LMNB1: variants seen among roughly 807,000 people sequenced by gnomAD.
LMNB1 encodes the protein lamin-B1.
A neutral mutation model predicts 67.1 loss-of-function variants in LMNB1; 23 were observed. The ratio of observed to expected loss-of-function variants is 0.34; its 90% CI spans 0.25 to 0.49. The LOEUF is 0.49. Among genes scored for constraint, LMNB1 ranks in the 20% least tolerant of loss-of-function variants. The pLI is 0.99. For missense variants in LMNB1, 634 were observed against 746.5 expected, an observed-to-expected ratio of 0.85 and a Z score of 1.76; for synonymous variants, 281 against 282.9, an observed-to-expected ratio of 0.99 and a Z score of 0.07.
intron 9 of LMNB1, among the ~76,000 whole-genome samples, chr5:126,831,194 A>C (rs769811834): frequency 7.9e-5 from 12 of 152,226 alleles, no homozygotes; most frequent in Admixed American, 6.5e-5. Flanking sequence ...GGTCTGTGTT[A>C]GATAAGCTTT....
intron 1 of LMNB1, among the ~76,000 whole-genome samples, chr5:126,781,744 A>AT (rs1249219272): frequency 1.3e-5 from 2 of 152,118 alleles, no homozygotes; most frequent in African/African-American, 4.8e-5. Flanking sequence ...CCTATATTTA[A>AT]TTTTTTATTT....
chr5:126,795,749 C>T (rs773237614), intron 1 of LMNB1, among the ~76,000 whole-genome samples: 5 of 151,530 alleles, frequency 3.3e-5, no homozygotes, highest in African/African-American at 7.3e-5. Flanking sequence ...CTCAGCCTCC[C>T]GAGTAGCTGG....
chr5:126,809,087 C>T (rs1443316129), intron 3 of LMNB1, among the ~76,000 whole-genome samples: 1 of 152,136 alleles, frequency 6.6e-6, no homozygotes, highest in Non-Finnish European at 1.5e-5. Flanking sequence ...ATTGGCCAGG[C>T]TGGTCTTGAA....
chr5:126,817,981 A>ATCCCAGATT (rs1751756271), intron 5 of LMNB1, among the ~76,000 whole-genome samples: 1 of 152,166 alleles, frequency 6.6e-6, no homozygotes, highest in Non-Finnish European at 1.5e-5. Context: ...CTGGTGTAGG[A>ATCCCAGATT]TGTGTGATTT....
At chr5:126,787,861 A>G (rs541423858) in intron 1 of LMNB1, among the ~76,000 whole-genome samples, 2 of 151,958 alleles carry the variant, frequency 1.3e-5, no homozygotes, top group South Asian at 4.2e-4. Flanking sequence ...TACTGGAGCC[A>G]TATATATATT....
chr5:126,816,147 G>A (rs944797997), intron 5 of LMNB1, among the ~76,000 whole-genome samples: 6 of 151,896 alleles, frequency 4.0e-5, no homozygotes, highest in African/African-American at 4.8e-5. Context: ...ACATGGTAGC[G>A]GGGAAATGGA....
Position 126,798,780 on chromosome 5 carries a change from T to TGTGTGTGTGTGTGTGTGTGTGC in LMNB1, c.360-5991_360-5990insTGTGTGTGTGTGTGTGCGTGTG, listed in dbSNP as rs1314378520. ...AAAGAGAAGTGTGTGTGTGTGTGTGTGTGTGCGTGTGCTTGTAACATTTAG... is the reference window on the plus strand; with the variant it reads ...AAAGAGAAGTGTGTGTGTGTGTGTGTGTGTGTGTGTGTGTGTGTGTGCGTGTGCGTGTGCTTGTAACATTTAG... On this transcript the variant is annotated intron_variant, in intron 1 of 10. Transcript: ENST00000261366. 1.2e-4 allele frequency among the ~76,000 whole-genome samples: 18 copies of TGTGTGTGTGTGTGTGTGTGTGC among 151,894 alleles called. No homozygotes were observed. The South Asian group carries it at 3.1e-3, about 26-fold the overall frequency.
intron 7 of LMNB1, among the ~76,000 whole-genome samples, chr5:126,822,299 C>CT (rs35469974): frequency 0.078 from 11,839 of 152,188 alleles, 547 homozygotes; most frequent in Non-Finnish European, 0.11. Context: ...CCCACTGACC[C>CT]TTTTTTTGAG....
chr5:126,799,138 C>A (rs534917879), intron 1 of LMNB1, among the ~76,000 whole-genome samples: 1 of 151,848 alleles, frequency 6.6e-6, no homozygotes, highest in Admixed American at 6.6e-5. Flanking sequence ...CCTGCCTCAG[C>A]CTCCCGAGTA....
intron 1 of LMNB1, among the ~76,000 whole-genome samples, chr5:126,800,982 A>ATATATATTTTTTTTTTTTTT: frequency 1.1e-4 from 2 of 18,636 alleles, no homozygotes; most frequent in Admixed American, 9.5e-4. Flanking sequence ...TATATATATA[A>ATATATATTTTTTTTTTTTTT]TTTTTTTTTT....
At position 126,805,560 on chromosome 5, in the gene LMNB1, C is replaced by A. The variant is rs756624833; in HGVS notation, c.517-11C>A. On this transcript the variant is annotated splice_polypyrimidine_tract_variant and intron_variant, in intron 2 of 10. Coordinates refer to ENST00000261366, the MANE Select transcript of LMNB1 (RefSeq NM_005573.4). Reference sequence around the variant, plus strand: ...TGTAATTTTTATCACAATTCTTTTTCCTTGTAATAGTTGGAAGCCTCCTTA... The same window carrying A: ...TGTAATTTTTATCACAATTCTTTTTACTTGTAATAGTTGGAAGCCTCCTTA... 5 of 1,571,686 alleles carry A rather than the reference C, an allele frequency of 3.2e-6. No homozygotes were observed. Among genetic ancestry groups the A allele is most frequent in the Non-Finnish European group, 4.4e-6 (5 of 1,149,238 alleles).
chr5:126,827,394 T>G (rs1458048568), intron 9 of LMNB1, among the ~76,000 whole-genome samples: 1 of 152,186 alleles, frequency 6.6e-6, no homozygotes, highest in Non-Finnish European at 1.5e-5. Context: ...GCGCAGTGGC[T>G]CATGCCTGTA....
At chr5:126,811,118 T>G (rs895843700) in intron 4 of LMNB1, among the ~76,000 whole-genome samples, 3 of 152,258 alleles carry the variant, frequency 2.0e-5, no homozygotes, top group African/African-American at 7.2e-5. Flanking sequence ...AAGATCTTAT[T>G]ATAAGCAGTA....
At chr5:126,812,157 A>G (rs1299462909) in intron 5 of LMNB1, among the ~76,000 whole-genome samples, 3 of 152,214 alleles carry the variant, frequency 2.0e-5, no homozygotes, top group Non-Finnish European at 4.4e-5. Context: ...GGAGCCTGCT[A>G]GTTTATTCAC....
rs758335558 is a variant in LMNB1 at position 126,818,991 on chromosome 5, C to T, written c.1009C>T (p.Arg337Cys). Reference sequence around the variant, plus strand: ...TGCTAAAGAAAAAGACAACTCTCGTCGCATGCTGACAGACAAAGAGAGAGA... The same window carrying T: ...TGCTAAAGAAAAAGACAACTCTCGTTGCATGCTGACAGACAAAGAGAGAGA... ...LLAKEKDNSR[R>C]MLTDKEREMA... Residue 337 changes from arginine (R) to cysteine (C), a missense_variant, in exon 6 of 11, where the codon CGC becomes TGC. By Grantham distance (180) the Arg-to-Cys change is radical. Coordinates refer to ENST00000261366, the MANE Select transcript of LMNB1 (RefSeq NM_005573.4). The T allele has an allele frequency of 8.7e-6, 14 of 1,613,974 alleles. No individual in the cohort carries two copies. Among genetic ancestry groups the T allele is most frequent in the East Asian group, 2.2e-5 (1 of 44,882 alleles).
At chr5:126,818,521 C>A (rs141362812) in intron 5 of LMNB1, among the ~76,000 whole-genome samples, 1 of 152,140 alleles carries the variant, frequency 6.6e-6, no homozygotes, top group African/African-American at 2.4e-5. Context: ...GGATTACAGG[C>A]GTAAGCCACC....
chr5:126,818,983 A>C lies in LMNB1; in HGVS notation c.1001A>C (p.Asn334Thr). Residue 334 changes from asparagine (N) to threonine (T), a missense_variant, in exon 6 of 11, where the codon AAC (asparagine) becomes ACC (threonine). Physicochemically the swap from Asn to Thr is moderately conservative, Grantham distance 65. Coordinates refer to ENST00000261366, the MANE Select transcript of LMNB1 (RefSeq NM_005573.4). ...LEDLLAKEKD[N>T]SRRMLTDKER... Reference sequence around the variant, plus strand: ...GACTTGCTTGCTAAAGAAAAAGACAACTCTCGTCGCATGCTGACAGACAAA... The same window carrying C: ...GACTTGCTTGCTAAAGAAAAAGACACCTCTCGTCGCATGCTGACAGACAAA... 6.2e-7 allele frequency: 1 copy of C among 1,614,136 alleles called. No individual in the cohort carries two copies. Among genetic ancestry groups the C allele is most frequent in the South Asian group, 1.1e-5 (1 of 91,082 alleles).
intron 1 of LMNB1, 81 bp downstream of exon 1, chr5:126,777,948 G>T: frequency 7.6e-7 from 1 of 1,316,398 alleles, no homozygotes. Flanking sequence ...GGGTTCTGCC[G>T]TGGGGAGGGA....
chr5:126,794,523 G>A (rs1159179130), intron 1 of LMNB1, among the ~76,000 whole-genome samples: 2 of 152,196 alleles, frequency 1.3e-5, no homozygotes, highest in African/African-American at 4.8e-5. Context: ...AGATATAAGA[G>A]ACATGGCATG....
Sources: allele counts gnomAD v4.1 joint callset (sites outside exome capture counted in the v4.1 genomes callset), GRCh38; gene constraint gnomAD v4.1.1; transcripts MANE v1.5; gene names NCBI Gene and HGNC (gene_info 2026-07-23, HGNC 2026-07-21).